Variants in SETD7 observed in about 807,000 individuals in gnomAD.
SETD7 encodes the protein SET domain containing 7, histone lysine methyltransferase.
SETD7 carries 16 observed loss-of-function variants against 41.8 expected under a neutral mutation model. The observed-to-expected ratio is 0.38, with a 90% CI of 0.26 to 0.58. The LOEUF is 0.58. SETD7 is among the 20% of genes least tolerant of loss of function. The probability of loss-of-function intolerance (pLI) is 0.64; values close to 1 mark genes in which losing one functional copy is unlikely to be tolerated. For synonymous variants in SETD7, 163 were observed against 169.7 expected, an observed-to-expected ratio of 0.96 and a Z score of 0.31; for missense variants, 346 against 459.7, an observed-to-expected ratio of 0.75 and a Z score of 2.26.
intron 7 of SETD7, among the ~76,000 whole-genome samples, chr4:139,517,488 AAAAAAAAAAAAAAAG>A (rs1441532575): frequency 3.9e-4 from 5 of 12,670 alleles, no homozygotes; most frequent in Non-Finnish European, 2.5e-3. Context: ...AAAAAAAAAA[AAAAAAAAAAAAAAAG>A]GGCTCCTTCA....
In SETD7 at chr4:139,555,982, G is replaced by C; in HGVS notation, c.40+116C>G. 1 of 1,055,514 alleles carries C rather than the reference G, an allele frequency of 9.5e-7. No individual in the cohort carries two copies. The highest frequency in any genetic ancestry group is 3.5e-5 in the Admixed American group (1 of 28,866). The allele number at this position is 1,055,514 out of a possible 1,614,324, so 65.4% of individuals were successfully genotyped here. A position where few individuals can be genotyped will look rare whatever the true frequency, so the allele number is the denominator to read the frequency against. On this transcript the variant is annotated intron_variant, in intron 1 of 7. Transcript: ENST00000274031. The surrounding 1 kb of genome is among the most constrained non-coding windows in gnomAD (Gnocchi z 4.0). The stretch of plus-strand genomic sequence containing the variant: ...GCCCGAGCCGGGCAACCGGCCACCC[G>C]TGTAGGGGACAGTGGCGGCCGCGGG...
chr4:139,533,961 ATATCTATG>A (rs1244392187), intron 2 of SETD7, among the ~76,000 whole-genome samples: 2 of 147,674 alleles, frequency 1.4e-5, no homozygotes, highest in African/African-American at 5.0e-5. Flanking sequence ...GTATATCTAT[ATATCTATG>A]TATGTATGTA....
chr4:139,512,912 C>G (rs1726922099), intron 7 of SETD7, among the ~76,000 whole-genome samples: 1 of 151,708 alleles, frequency 6.6e-6, no homozygotes, highest in African/African-American at 2.4e-5. Flanking sequence ...TGTGTGCTAC[C>G]ATGGCCAGAA....
At position 139,511,586 on chromosome 4, in the gene SETD7, T is replaced by C. The variant is rs1052715591; in HGVS notation, c.*77A>G. ...ACGTCACAGCATGAGCAGTCCCTGGTTGTCCCATTGTCAGATAAACGTAGT... is the reference window on the plus strand; with the variant it reads ...ACGTCACAGCATGAGCAGTCCCTGGCTGTCCCATTGTCAGATAAACGTAGT... On this transcript the variant is annotated 3_prime_UTR_variant, in exon 8 of 8. Coordinates refer to ENST00000274031, the MANE Select transcript of SETD7 (RefSeq NM_030648.4). 6.3e-7 allele frequency: 1 copy of C among 1,599,338 alleles called. No individual in the cohort carries two copies. The highest frequency in any genetic ancestry group is 2.2e-5 in the East Asian group (1 of 44,854).
At position 139,555,182 on chromosome 4, in the gene SETD7, C is replaced by CA. The variant is rs34969738; in HGVS notation, c.40+915dup. On this transcript the variant is annotated intron_variant, in intron 1 of 7. Transcript: ENST00000274031. The surrounding 1 kb of genome is among the most constrained non-coding windows in gnomAD (Gnocchi z 4.0). ...CCCCACATCGTTTTTTCAGAACTAA[C>CA]AAAAAAAAAAAAAAAAAGGTGGAGA... Among the ~76,000 whole-genome samples, 41,444 of 109,786 alleles carry CA rather than the reference C, an allele frequency of 0.38. 6,761 individuals are homozygous for CA. The highest frequency in any genetic ancestry group is 0.43 in the African/African-American group (13,643 of 31,808). 72.0% of individuals were successfully genotyped at this position (109,786 alleles called of 152,430 possible). A position where few individuals can be genotyped will look rare whatever the true frequency, so the allele number is the denominator to read the frequency against.
chr4:139,528,166 A>G (rs1374604317), intron 4 of SETD7, among the ~76,000 whole-genome samples: 1 of 152,218 alleles, frequency 6.6e-6, no homozygotes, highest in African/African-American at 2.4e-5. Flanking sequence ...TATATTTTCC[A>G]GATTTTCTAC....
At chr4:139,521,356 G>A (rs1408148697) in intron 5 of SETD7, among the ~76,000 whole-genome samples, 1 of 152,072 alleles carries the variant, frequency 6.6e-6, no homozygotes, top group African/African-American at 2.4e-5. Context: ...AACCCAGGCG[G>A]TGGAGATTGC....
Position 139,555,990 on chromosome 4 carries a change from G to GAC in SETD7, c.40+106_40+107dup. The GAC allele has an allele frequency of 1.7e-6, 2 of 1,170,302 alleles. No homozygotes were observed. Among genetic ancestry groups the GAC allele is most frequent in the Non-Finnish European group, 2.3e-6 (2 of 851,990 alleles). The allele number at this position is 1,170,302 out of a possible 1,614,324, so 72.5% of individuals were successfully genotyped here. A position where few individuals can be genotyped will look rare whatever the true frequency, so the allele number is the denominator to read the frequency against. ...CGGGCAACCGGCCACCCGTGTAGGGGACAGTGGCGGCCGCGGGGCCCGGCG... is the reference window on the plus strand; with the variant it reads ...CGGGCAACCGGCCACCCGTGTAGGGGACACAGTGGCGGCCGCGGGGCCCGGCG... On this transcript the variant is annotated intron_variant, in intron 1 of 7. Transcript: ENST00000274031. This position sits in a 1 kb window ranked among gnomAD's most constrained non-coding sequence, Gnocchi z 4.0.
chr4:139,502,693 C>T (rs906477708), downstream of SETD7, among the ~76,000 whole-genome samples: 5 of 152,180 alleles, frequency 3.3e-5, no homozygotes, highest in Admixed American at 3.3e-4. Context: ...ACCACACAAC[C>T]CTCCCTCTGC....
At chr4:139,549,918 C>T (rs1728064585) in intron 1 of SETD7, among the ~76,000 whole-genome samples, 1 of 152,166 alleles carries the variant, frequency 6.6e-6, no homozygotes, top group African/African-American at 2.4e-5. Flanking sequence ...GCTGGGATTA[C>T]AGGCACCTGC....
At chr4:139,493,488 A>G (rs1726393791), downstream of SETD7, among the ~76,000 whole-genome samples, 1 of 151,958 alleles carries the variant, frequency 6.6e-6, no homozygotes, top group Non-Finnish European at 1.5e-5. Flanking sequence ...TCTAGCTGCA[A>G]TGGAAAGCCA....
At chr4:139,497,051 T>C (rs1726469533) in intron 7 of SETD7, among the ~76,000 whole-genome samples, 1 of 152,254 alleles carries the variant, frequency 6.6e-6, no homozygotes, top group Non-Finnish European at 1.5e-5. Context: ...TTTAAAGACC[T>C]GTATGACACA....
downstream of SETD7, among the ~76,000 whole-genome samples, chr4:139,502,525 T>G (rs1259619678): frequency 1.3e-5 from 2 of 151,894 alleles, no homozygotes; most frequent in African/African-American, 4.8e-5. Flanking sequence ...TGGGTGTGGG[T>G]GGAGCACAGG....
chr4:139,520,518 G>T, intron 5 of SETD7, 124 bp from the exon 6 acceptor site: 1 of 528,814 alleles, frequency 1.9e-6, no homozygotes, highest in South Asian at 3.9e-5. Context: ...AACTAAGAAG[G>T]GAGGGAGGAA....
Position 139,555,998 on chromosome 4 carries a change from C to A in SETD7, c.40+100G>T. 1.6e-6 allele frequency: 2 copies of A among 1,263,726 alleles called. No individual in the cohort carries two copies. Among genetic ancestry groups the A allele is most frequent in the Non-Finnish European group, 2.1e-6 (2 of 934,878 alleles). 78.3% of individuals were successfully genotyped at this position (1,263,726 alleles called of 1,614,324 possible). Reference sequence around the variant, plus strand: ...CGGCCACCCGTGTAGGGGACAGTGGCGGCCGCGGGGCCCGGCGCCGCGCTG... The same window carrying A: ...CGGCCACCCGTGTAGGGGACAGTGGAGGCCGCGGGGCCCGGCGCCGCGCTG... On this transcript the variant is annotated intron_variant, in intron 1 of 7. Coordinates refer to ENST00000274031, the MANE Select transcript of SETD7 (RefSeq NM_030648.4). This position sits in a 1 kb window ranked among gnomAD's most constrained non-coding sequence, Gnocchi z 4.0.
intron 1 of SETD7, among the ~76,000 whole-genome samples, chr4:139,551,123 G>A (rs1009229430): frequency 6.6e-6 from 1 of 152,236 alleles, no homozygotes; most frequent in African/African-American, 2.4e-5. Context: ...GTTTCCAACA[G>A]CATGTCCCGG....
At chr4:139,553,427 T>C (rs529960576) in intron 1 of SETD7, among the ~76,000 whole-genome samples, 16 of 152,326 alleles carry the variant, frequency 1.1e-4, no homozygotes, top group Admixed American at 5.2e-4. Context: ...GGCACTGACA[T>C]AATATTTAAC....
intron 7 of SETD7, among the ~76,000 whole-genome samples, chr4:139,496,742 T>C (rs1266117003): frequency 6.6e-6 from 1 of 152,184 alleles, no homozygotes; most frequent in African/African-American, 2.4e-5. Context: ...TTATGGTTGT[T>C]CTTCTACAGA....
chr4:139,539,943 T>C (rs1727737641), intron 2 of SETD7, among the ~76,000 whole-genome samples: 1 of 152,196 alleles, frequency 6.6e-6, no homozygotes, highest in African/African-American at 2.4e-5. Flanking sequence ...ATCTTGGACT[T>C]CACACCCTCC....
Sources: allele counts gnomAD v4.1 joint callset (sites outside exome capture counted in the v4.1 genomes callset), GRCh38; gene constraint gnomAD v4.1.1; non-coding constraint Gnocchi (gnomAD v3.1); transcripts MANE v1.5; gene names NCBI Gene and HGNC (gene_info 2026-07-23, HGNC 2026-07-21).